The following FGFR2 variants were observed in gnomAD, a reference collection of about 807,000 sequenced individuals.
FGFR2 encodes the protein fibroblast growth factor receptor 2.
A neutral mutation model predicts 95.9 loss-of-function variants in FGFR2; 19 were observed. The observed-to-expected ratio is 0.20, with a 90% CI of 0.14 to 0.29. FGFR2 has a LOEUF of 0.29. FGFR2 is among the 10% of genes least tolerant of loss of function. The pLI is 1.00. For synonymous variants in FGFR2, 392 were observed against 393.3 expected (o/e 1.00, Z 0.04); for missense variants, 707 against 1,056.9 (o/e 0.67, Z 4.59).
chr10:121,578,647 C>T (rs1372177440), intron 2 of FGFR2, among the ~76,000 whole-genome samples: 6 of 152,228 alleles, frequency 3.9e-5, no homozygotes, highest in Non-Finnish European at 7.3e-5. Context: ...CTGTGGCTTA[C>T]GCCTGTAATC....
intron 2 of FGFR2, among the ~76,000 whole-genome samples, chr10:121,577,719 G>T (rs1451401466): frequency 3.3e-5 from 5 of 152,032 alleles, no homozygotes. Flanking sequence ...CTGGGCACGT[G>T]TGGCTTTTCC....
At chr10:121,532,200 A>G (rs1852170411) in intron 6 of FGFR2, among the ~76,000 whole-genome samples, 1 of 152,236 alleles carries the variant, frequency 6.6e-6, no homozygotes, top group African/African-American at 2.4e-5. Context: ...AAGAGGCTTC[A>G]AGTTCAGAAC....
intron 6 of FGFR2, among the ~76,000 whole-genome samples, chr10:121,535,546 T>C (rs1392971392): frequency 1.3e-5 from 2 of 152,154 alleles, no homozygotes; most frequent in Non-Finnish European, 2.9e-5. Flanking sequence ...AGCTTCACAG[T>C]GACAGGACCT....
intron 6 of FGFR2, chr10:121,526,808 C>T (rs1851428210): frequency 2.5e-6 from 1 of 398,484 alleles, no homozygotes; most frequent in African/African-American, 2.1e-5. Context: ...TTGGCACATG[C>T]TCGTTTTGTT....
At chr10:121,564,325 G>T in intron 4 of FGFR2, 177 bp downstream of exon 4, 1 of 642,054 alleles carries the variant, frequency 1.6e-6, no homozygotes, top group Non-Finnish European at 2.8e-6. Flanking sequence ...AGAGAAGGCT[G>T]TGCAGCAACA....
intron 17 of FGFR2, 75 bp downstream of exon 17, chr10:121,483,623 G>A: frequency 9.7e-7 from 1 of 1,034,044 alleles, no homozygotes; most frequent in Admixed American, 1.9e-5. Flanking sequence ...GCCAACAGGG[G>A]AGTGTGTGTG....
intron 6 of FGFR2, among the ~76,000 whole-genome samples, chr10:121,521,785 C>A (rs1371450813): frequency 6.6e-6 from 1 of 152,130 alleles, no homozygotes; most frequent in Non-Finnish European, 1.5e-5. Context: ...AACAGAACTA[C>A]CCTAAGATCC....
chr10:121,556,333 G>C (rs887016414), intron 4 of FGFR2, among the ~76,000 whole-genome samples: 3 of 151,506 alleles, frequency 2.0e-5, no homozygotes, highest in African/African-American at 7.3e-5. Flanking sequence ...ACCATAGGCT[G>C]CTGGGCCTGC....
At chr10:121,536,784 C>T (rs576569553) in intron 6 of FGFR2, among the ~76,000 whole-genome samples, 1 of 152,314 alleles carries the variant, frequency 6.6e-6, no homozygotes, top group South Asian at 2.1e-4. Context: ...AGAATGGCCC[C>T]AGCCCAGCCT....
chr10:121,563,825 T>C (rs1857296584), intron 4 of FGFR2, among the ~76,000 whole-genome samples: 1 of 152,224 alleles, frequency 6.6e-6, no homozygotes, highest in Non-Finnish European at 1.5e-5. Flanking sequence ...TCTCCCATGT[T>C]AGCGCTCAGT....
At chr10:121,521,412 A>G (rs376001393) in intron 6 of FGFR2, among the ~76,000 whole-genome samples, 1 of 152,206 alleles carries the variant, frequency 6.6e-6, no homozygotes, top group African/African-American at 2.4e-5. Context: ...TGTGGAGACA[A>G]TCAAGCCAAG....
At position 121,538,573 on chromosome 10, in the gene FGFR2, C is replaced by A. The variant is rs372837794; in HGVS notation, c.748+19G>T. On this transcript the variant is annotated intron_variant, in intron 6 of 17. Transcript: ENST00000358487. ...AATGGGCTGGTATGCAGCCGCCACA[C>A]GAGGAGAGGCAAACTCACCCACAAC... 1.9e-6 allele frequency: 3 copies of A among 1,614,186 alleles called. No individual in the cohort carries two copies. Among genetic ancestry groups the A allele is most frequent in the Non-Finnish European group, 2.5e-6 (3 of 1,180,038 alleles).
chr10:121,543,288 T>C (rs1854031775), intron 5 of FGFR2, among the ~76,000 whole-genome samples: 1 of 152,170 alleles, frequency 6.6e-6, no homozygotes, highest in Admixed American at 6.5e-5. Flanking sequence ...GGCGGGCAGA[T>C]CATTTGAGGA....
At chr10:121,543,519 C>CA (rs1182894652) in intron 5 of FGFR2, among the ~76,000 whole-genome samples, 2 of 151,914 alleles carry the variant, frequency 1.3e-5, no homozygotes, top group Admixed American at 1.3e-4. Flanking sequence ...CAAAACAAAA[C>CA]AAAAAACAAA....
At chr10:121,524,141 CACACA>C (rs1225005728) in intron 6 of FGFR2, among the ~76,000 whole-genome samples, 18 of 144,722 alleles carry the variant, frequency 1.2e-4, no homozygotes, top group African/African-American at 3.2e-4. Flanking sequence ...CACACACACA[CACACA>C]CCCCAAGTTT....
In FGFR2 at chr10:121,496,721, C is replaced by A. The variant is rs1846869369; in HGVS notation, c.1674G>T (p.Gly558=). The change falls in exon 13 of 18, where the codon GGG becomes GGT. Residue 558 remains glycine (G), a splice_region_variant and synonymous_variant. Coordinates refer to ENST00000358487, the MANE Select transcript of FGFR2 (RefSeq NM_000141.5). ...INLLGACTQD[G]PLYVIVEYAS... ...CATACTCAACTATGACATAGAGAGGCCCTGTTGAGGAAGAAGAGAAGCTCC... is the reference window on the plus strand; with the variant it reads ...CATACTCAACTATGACATAGAGAGGACCTGTTGAGGAAGAAGAGAAGCTCC... 1.2e-6 allele frequency: 2 copies of A among 1,611,800 alleles called. No homozygotes were observed. Among genetic ancestry groups the A allele is most frequent in the East Asian group, 4.5e-5 (2 of 44,864 alleles).
chr10:121,589,471 A>C (rs1862305378), intron 2 of FGFR2, among the ~76,000 whole-genome samples: 1 of 152,196 alleles, frequency 6.6e-6, no homozygotes, highest in Admixed American at 6.5e-5. Flanking sequence ...ACTGGGTCAG[A>C]AAGACTTGAA....
At chr10:121,584,381 AC>A (rs1368381918) in intron 2 of FGFR2, among the ~76,000 whole-genome samples, 1 of 98,006 alleles carries the variant, frequency 1.0e-5, no homozygotes, top group African/African-American at 4.0e-5. Context: ...TCCATCCCGC[AC>A]CCCACCCCAA....
chr10:121,590,758 T>C (rs1862513320), intron 2 of FGFR2, among the ~76,000 whole-genome samples: 1 of 152,206 alleles, frequency 6.6e-6, no homozygotes, highest in African/African-American at 2.4e-5. Context: ...CCTCTAGTGT[T>C]AGGGCCCAGG....
Sources: allele counts gnomAD v4.1 joint callset (sites outside exome capture counted in the v4.1 genomes callset), GRCh38; gene constraint gnomAD v4.1.1; transcripts MANE v1.5; gene names NCBI Gene and HGNC (gene_info 2026-07-23, HGNC 2026-07-21).